NUP210L: variants seen among roughly 807,000 people sequenced by gnomAD.
The protein encoded by NUP210L is nucleoporin 210 like.
Under a neutral mutation model 208.5 loss-of-function variants are expected in NUP210L, and 74 were observed. The ratio of observed to expected loss-of-function variants is 0.35; its 90% confidence interval spans 0.29 to 0.43. NUP210L has a LOEUF of 0.43. Ranked by LOEUF, NUP210L falls within the 20% of genes least tolerant of loss-of-function variation. NUP210L has a pLI of 1.00. For missense variants in NUP210L, 1,843 were observed against 2,289.4 expected (o/e 0.81, Z 3.98); for synonymous variants, 780 against 816.9 (o/e 0.95, Z 0.77).
At chr1:154,106,267 A>C (rs1170523186) in intron 12 of NUP210L, among the ~76,000 whole-genome samples, 1 of 151,768 alleles carries the variant, frequency 6.6e-6, no homozygotes, top group Non-Finnish European at 1.5e-5. Flanking sequence ...TTCCAGAAAA[A>C]TAAATAAATA....
intron 16 of NUP210L, among the ~76,000 whole-genome samples, chr1:154,088,840 C>A (rs193205594): frequency 1.3e-5 from 2 of 152,228 alleles, no homozygotes; most frequent in African/African-American, 4.8e-5. Flanking sequence ...CTGTACTCAA[C>A]ATTGTTTATT....
At chr1:154,002,962 A>G (rs748952578) in intron 35 of NUP210L, among the ~76,000 whole-genome samples, 2 of 150,844 alleles carry the variant, frequency 1.3e-5, no homozygotes, top group African/African-American at 2.4e-5. Flanking sequence ...ATTTTTATCA[A>G]TGGTAGGAAC....
At chr1:154,103,901 T>C in intron 13 of NUP210L, 111 bp downstream of exon 13, 1 of 787,532 alleles carries the variant, frequency 1.3e-6, no homozygotes, top group South Asian at 1.8e-5. Context: ...TGGTAGTTTC[T>C]GAATTGTTGA....
chr1:154,077,865 G>A (rs1655123018), intron 16 of NUP210L, among the ~76,000 whole-genome samples: 1 of 151,958 alleles, frequency 6.6e-6, no homozygotes, highest in South Asian at 2.1e-4. Flanking sequence ...TGCATCTGCA[G>A]TCCCAGCTAC....
chr1:153,996,077 G>A, intron 37 of NUP210L: 1 of 328,260 alleles, frequency 3.0e-6, no homozygotes, highest in East Asian at 7.5e-5. Context: ...TGGATCACAA[G>A]GTCAGGAGAT....
intron 17 of NUP210L, 34 bp from the exon 18 acceptor site, chr1:154,061,708 CAAT>C (rs759898515): frequency 1.6e-6 from 2 of 1,273,214 alleles, no homozygotes; most frequent in African/African-American, 3.0e-5. Context: ...CTGTGAGAAA[CAAT>C]AACATGTAGA....
chr1:154,023,871 C>T (rs1414195259), intron 30 of NUP210L, among the ~76,000 whole-genome samples: 1 of 151,750 alleles, frequency 6.6e-6, no homozygotes, highest in Non-Finnish European at 1.5e-5. Flanking sequence ...TTACTGCAAC[C>T]TCCGCCTCCT....
intron 16 of NUP210L, among the ~76,000 whole-genome samples, chr1:154,088,756 C>G (rs546046769): frequency 6.6e-6 from 1 of 152,254 alleles, no homozygotes; most frequent in South Asian, 2.1e-4. Flanking sequence ...GCTCGGTTTT[C>G]TCATCCAGAA....
chr1:154,082,444 G>A (rs1000549497), intron 16 of NUP210L, among the ~76,000 whole-genome samples: 10 of 152,124 alleles, frequency 6.6e-5, no homozygotes, highest in African/African-American at 1.9e-4. Flanking sequence ...CAGAATTGAG[G>A]AAGAAATAGA....
intron 16 of NUP210L, among the ~76,000 whole-genome samples, chr1:154,083,778 C>T (rs1334420455): frequency 6.6e-6 from 1 of 151,810 alleles, no homozygotes; most frequent in Non-Finnish European, 1.5e-5. Context: ...GAGAGTTTTT[C>T]CTGAACAATT....
intron 29 of NUP210L, among the ~76,000 whole-genome samples, chr1:154,027,100 AAAAAAAAAAAC>A (rs1651934716): frequency 6.7e-6 from 1 of 149,918 alleles, no homozygotes; most frequent in African/African-American, 2.5e-5. Flanking sequence ...AAAAAAACAA[AAAAAAAAAAAC>A]AAAAAACACA....
chr1:154,040,197 T>C (rs1390729858), intron 27 of NUP210L, among the ~76,000 whole-genome samples: 25 of 152,100 alleles, frequency 1.6e-4, no homozygotes. Context: ...TAATCTTTCC[T>C]TGTTTGTTGT....
At chr1:154,058,789 T>C in intron 20 of NUP210L, 96 bp from the exon 21 acceptor site, 1 of 1,262,088 alleles carries the variant, frequency 7.9e-7, no homozygotes, top group Non-Finnish European at 1.1e-6. Flanking sequence ...AGAAAACATC[T>C]TGCTTTCTTT....
chr1:154,136,249 C>T (rs1469066192), intron 6 of NUP210L, among the ~76,000 whole-genome samples: 2 of 151,998 alleles, frequency 1.3e-5, no homozygotes, highest in Non-Finnish European at 2.9e-5. Context: ...GTTAGGAGTT[C>T]GAGACCAGCC....
At chr1:154,033,520 G>T (rs1365850998) in intron 27 of NUP210L, among the ~76,000 whole-genome samples, 1 of 152,116 alleles carries the variant, frequency 6.6e-6, no homozygotes, top group Non-Finnish European at 1.5e-5. Context: ...TCCGCAATGT[G>T]TATTCTTGGC....
At chr1:153,993,803 C>T (rs1025000152) in intron 38 of NUP210L, among the ~76,000 whole-genome samples, 6 of 152,088 alleles carry the variant, frequency 3.9e-5, no homozygotes, top group African/African-American at 1.4e-4. Context: ...GAGGCTGAGG[C>T]AGGAGAATCG....
At position 154,033,578 on chromosome 1, in the gene NUP210L, G is replaced by A. The variant is rs553584123; in HGVS notation, c.3697-3524C>T. Among the ~76,000 whole-genome samples, 4 of 152,118 alleles carry A rather than the reference G, an allele frequency of 2.6e-5. No individual in the cohort carries two copies. In the South Asian group the frequency reaches 8.3e-4, roughly 32 times the overall value. ...CTGCAGGTGTATGAATTTGTTTCTGGGTTCTCTATTCTGTTCCATTGGTCT... is the reference window on the plus strand; with the variant it reads ...CTGCAGGTGTATGAATTTGTTTCTGAGTTCTCTATTCTGTTCCATTGGTCT... On this transcript the variant is annotated intron_variant, in intron 27 of 39. Coordinates refer to ENST00000368559, the Ensembl canonical transcript of NUP210L.
chr1:154,068,838 G>C (rs978953988), intron 17 of NUP210L, among the ~76,000 whole-genome samples: 1 of 152,022 alleles, frequency 6.6e-6, no homozygotes, highest in Non-Finnish European at 1.5e-5. Flanking sequence ...GGTGGGGGAA[G>C]GGGGGAGGGA....
At chr1:153,996,708 G>A (rs970015179) in intron 37 of NUP210L, among the ~76,000 whole-genome samples, 13 of 151,570 alleles carry the variant, frequency 8.6e-5, no homozygotes, top group Admixed American at 3.9e-4. Flanking sequence ...GGCATGAGCC[G>A]CTGCACCCAG....
Sources: allele counts gnomAD v4.1 joint callset (sites outside exome capture counted in the v4.1 genomes callset), GRCh38; gene constraint gnomAD v4.1.1; transcripts MANE v1.5; gene names NCBI Gene and HGNC (gene_info 2026-07-23, HGNC 2026-07-21).